NUDT18: variants seen among roughly 807,000 people sequenced by gnomAD.
NUDT18 encodes 8-oxo-dGDP phosphatase NUDT18.
NUDT18 carries 26 observed loss-of-function variants against 27.6 expected under a neutral mutation model. That is an observed-to-expected ratio of 0.94 (90% CI 0.69 to 1.31). The LOEUF is 1.31. NUDT18 is among the 50% of genes most tolerant of loss of function. The pLI, the probability that NUDT18 is intolerant of heterozygous loss-of-function variation, is 0.00. For missense variants in NUDT18, 450 were observed against 433.4 expected (o/e 1.04, Z -0.34); for synonymous variants, 220 against 196.9 (o/e 1.12, Z -0.98).
chr8:22,109,684 G>A (rs1050333808), upstream of NUDT18: 2 of 465,038 alleles, frequency 4.3e-6, no homozygotes, highest in Non-Finnish European at 4.3e-6. Context: ...CTGGTCTGCA[G>A]GAGCTCCGAC....
Position 22,108,221 on chromosome 8 carries a change from C to A in NUDT18, c.288G>T (p.Ala96=). The A allele has an allele frequency of 6.3e-7, 1 of 1,597,300 alleles. No individual in the cohort carries two copies. The highest frequency in any genetic ancestry group is 8.5e-7 in the Non-Finnish European group (1 of 1,172,728). ...EALQREVKEE[A]GLHCEPETLL... is the part of the protein sequence containing the mutation. ...GTGTCTCGGGCTCACAGTGCAGCCC[C>A]GCCTCCTCCTTCACCTCCCGCTGCA... The change falls in exon 2 of 3, where the codon GCG becomes GCT. Residue 96 remains alanine (A), a synonymous_variant. Coordinates refer to ENST00000611621, the MANE Select transcript of NUDT18 (RefSeq NM_024815.4).
chr8:22,109,530 GCGGGGCCGCC>G (rs1279387634), upstream of NUDT18: 11 of 463,686 alleles, frequency 2.4e-5, no homozygotes, highest in Admixed American at 3.1e-4. Flanking sequence ...CACCGAGGGG[GCGGGGCCGCC>G]CGGGGCCGCC....
At position 22,107,882 on chromosome 8, in the gene NUDT18, C is replaced by T. The variant is rs1338183565; in HGVS notation, c.390G>A (p.Lys130=). ...FLARPTGGIL[K]TSKEADAESL... ...ACTCCGCATCGGCCTCCTTGGAAGT[C>T]TTGAGAATTCCACCTGGGGGAGATG... The change falls in exon 3 of 3, where the codon AAG becomes AAA. Residue 130 remains lysine, a synonymous_variant. Transcript: ENST00000611621. 1 of 1,578,974 alleles carries T rather than the reference C, an allele frequency of 6.3e-7. No individual in the cohort carries two copies. Among genetic ancestry groups the T allele is most frequent in the Admixed American group, 1.7e-5 (1 of 57,918 alleles).
chr8:22,109,113 C>T (rs751939250), intron 1 of NUDT18, 26 bp downstream of exon 1: 8 of 1,391,416 alleles, frequency 5.7e-6, no homozygotes, highest in Non-Finnish European at 7.4e-6. Context: ...TCCCGAGGCC[C>T]GGCGGGCCCG....
Position 22,108,351 on chromosome 8 carries a change from G to T in NUDT18, c.163-5C>A. The stretch of plus-strand genomic sequence containing the variant: ...CTGGATCAGTAGCACCTCATCCTGA[G>T]AGGAGAGAGGATCCTCACTTCCTGC... On this transcript the variant is annotated splice_polypyrimidine_tract_variant and splice_region_variant and intron_variant, in intron 1 of 2. Transcript: ENST00000611621. 6.4e-7 allele frequency: 1 copy of T among 1,560,006 alleles called. No homozygotes were observed.
In NUDT18 at chr8:22,109,110, G is replaced by C. The variant is rs1028294458; in HGVS notation, c.162+29C>G. The stretch of plus-strand genomic sequence containing the variant: ...CCTGGGCTGGCTGCGCGCTCCCGAG[G>C]CCCGGCGGGCCCGGGGGCGGCCGCT... On this transcript the variant is annotated intron_variant, in intron 1 of 2. Transcript: ENST00000611621. 6 of 1,388,352 alleles carry C rather than the reference G, an allele frequency of 4.3e-6. No homozygotes were observed. In the African/African-American group the frequency reaches 9.2e-5, roughly 21 times the overall value. The allele number at this position is 1,388,352 out of a possible 1,614,324, so 86.0% of individuals were successfully genotyped here.
chr8:22,109,487 G>A (rs1308969306), upstream of NUDT18: 5 of 522,968 alleles, frequency 9.6e-6, no homozygotes, highest in Admixed American at 9.1e-5. Flanking sequence ...GCGCGGCGCC[G>A]CGGCCTGCCC....
At position 22,108,073 on chromosome 8, in the gene NUDT18, G is replaced by A. The variant is rs978565320; in HGVS notation, c.376+60C>T. On this transcript the variant is annotated intron_variant, in intron 2 of 2. Transcript: ENST00000611621. The stretch of plus-strand genomic sequence containing the variant: ...TGGCTGTAGAGGGGCTCACCTCACC[G>A]AGGAGCTGGGGGAAAGGTGTCAACT... 17 of 1,430,794 alleles carry A rather than the reference G, an allele frequency of 1.2e-5. No individual in the cohort carries two copies. In the African/African-American group the frequency reaches 1.9e-4, roughly 16 times the overall value. 88.6% of individuals were successfully genotyped at this position (1,430,794 alleles called of 1,614,324 possible).
At position 22,107,474 on chromosome 8, in the gene NUDT18, A is replaced by G. The variant is rs776165872; in HGVS notation, c.798T>C (p.Asp266=). Reference sequence around the variant, plus strand: ...TCACCAGCACATTCAAACAGATGCCATCACTGTGATCTCGGCCCAGGTGCT... The same window carrying G: ...TCACCAGCACATTCAAACAGATGCCGTCACTGTGATCTCGGCCCAGGTGCT... The part of the protein sequence containing the change: ...GLQHLGRDHS[D]GICLNVLVTV... The change falls in exon 3 of 3, where the codon GAT becomes GAC. Residue 266 remains aspartate (D), a synonymous_variant. Coordinates refer to ENST00000611621, the MANE Select transcript of NUDT18 (RefSeq NM_024815.4). The G allele has an allele frequency of 1.9e-6, 3 of 1,613,264 alleles. No homozygotes were observed. The highest frequency in any genetic ancestry group is 2.5e-6 in the Non-Finnish European group (3 of 1,179,868).
rs1337581354 is a variant in NUDT18, at chr8:22,109,220, C to T, written c.81G>A (p.Ala27=). 1 of 1,439,840 alleles carries T rather than the reference C, an allele frequency of 6.9e-7. No homozygotes were observed. Among genetic ancestry groups the T allele is most frequent in the Non-Finnish European group, 9.0e-7 (1 of 1,106,370 alleles). 89.2% of individuals were successfully genotyped at this position (1,439,840 alleles called of 1,614,324 possible). A position where few individuals can be genotyped will look rare whatever the true frequency, so the allele number is the denominator to read the frequency against. ...QGSSVHSCDS[A]PAGEPPAPVR... is the part of the protein sequence containing the mutation. ...CGGGCGCCGGCGGCTCCCCGGCCGGCGCCGAGTCGCAGCTGTGCACGCTGG... is the reference window on the plus strand; with the variant it reads ...CGGGCGCCGGCGGCTCCCCGGCCGGTGCCGAGTCGCAGCTGTGCACGCTGG... The change falls in exon 1 of 3, where the codon GCG becomes GCA. Residue 27 remains alanine, a synonymous_variant. Coordinates refer to ENST00000611621, the MANE Select transcript of NUDT18 (RefSeq NM_024815.4).
intron 2 of NUDT18, 116 bp downstream of exon 2, chr8:22,108,017 C>G: frequency 7.4e-7 from 1 of 1,360,440 alleles, no homozygotes; most frequent in Non-Finnish European, 9.8e-7. Context: ...TGGAATCTGC[C>G]CATGCCAGGC....
chr8:22,108,534 C>T (rs970803952), intron 1 of NUDT18, among the ~76,000 whole-genome samples, 188 bp from the exon 2 acceptor site: 2 of 152,236 alleles, frequency 1.3e-5, no homozygotes, highest in Non-Finnish European at 2.9e-5. Context: ...TCGTCTCTCT[C>T]TGGATTTAGG....
In NUDT18 at chr8:22,108,232, T is replaced by C. The variant is rs1040792548; in HGVS notation, c.277A>G (p.Lys93Glu). ...TCACAGTGCAGCCCCGCCTCCTCCT[T>C]CACCTCCCGCTGCAGCGCCTCCACG... Reference protein sequence around the residue: ...TIVEALQREVKEEAGLHCEPE... With the variant: ...TIVEALQREVEEEAGLHCEPE... Residue 93 changes from lysine to glutamate, a missense_variant, in exon 2 of 3, where the codon AAG becomes GAG. Physicochemically the swap from Lys to Glu is moderately conservative, Grantham distance 56 (BLOSUM62 1). Coordinates refer to ENST00000611621, the MANE Select transcript of NUDT18 (RefSeq NM_024815.4). 12 of 1,598,088 alleles carry C rather than the reference T, an allele frequency of 7.5e-6. No homozygotes were observed. Among genetic ancestry groups the C allele is most frequent in the African/African-American group, 1.3e-5 (1 of 74,488 alleles).
At position 22,109,153 on chromosome 8, in the gene NUDT18, A is replaced by ACACGGCCAGCAC. The variant is rs1348435583; in HGVS notation, c.136_147dup (p.Val46_Val49dup). The ACACGGCCAGCAC allele has an allele frequency of 2.1e-6, 3 of 1,444,110 alleles. No individual in the cohort carries two copies. Among genetic ancestry groups the ACACGGCCAGCAC allele is most frequent in the Non-Finnish European group, 2.7e-6 (3 of 1,110,318 alleles). The allele number at this position is 1,444,110 out of a possible 1,614,324, so 89.5% of individuals were successfully genotyped here. A position where few individuals can be genotyped will look rare whatever the true frequency, so the allele number is the denominator to read the frequency against. ...CGGCCGCTCACCTGCTCGCTGAGGAACACGGCCAGCACCACGTAGCACACG... is the reference window on the plus strand; with the variant it reads ...CGGCCGCTCACCTGCTCGCTGAGGAACACGGCCAGCACCACGGCCAGCACCACGTAGCACACG... On this transcript the variant is annotated inframe_insertion, in exon 1 of 3. Transcript: ENST00000611621.
rs776456519 is a variant in NUDT18 at position 22,108,142 on chromosome 8, GAGCGAGGAACACGA to G, written c.353_366del (p.Phe118SerfsTer36). 3.3e-6 allele frequency: 5 copies of G among 1,525,906 alleles called. No homozygotes were observed. Among genetic ancestry groups the G allele is most frequent in the Non-Finnish European group, 4.4e-6 (5 of 1,136,910 alleles). The allele number at this position is 1,525,906 out of a possible 1,614,324, so 94.5% of individuals were successfully genotyped here. A position where few individuals can be genotyped will look rare whatever the true frequency, so the allele number is the denominator to read the frequency against. ...TCCAGGTGGGCCATACCTGTGGGGC[GAGCGAGGAACACGA>G]AGCGGACCCAGGAGGGGCCCCGCTC... On this transcript the variant is annotated frameshift_variant, in exon 2 of 3. Transcript: ENST00000611621. LOFTEE classifies it high-confidence loss of function.
upstream of NUDT18, chr8:22,109,916 G>A: frequency 2.9e-6 from 1 of 339,558 alleles, no homozygotes. Flanking sequence ...TGGGGTGGGG[G>A]ACATAAACCC....
At chr8:22,108,049 G>A (rs1826397851) in intron 2 of NUDT18, 84 bp downstream of exon 2, 1 of 1,390,640 alleles carries the variant, frequency 7.2e-7, no homozygotes, top group Non-Finnish European at 9.6e-7. Context: ...TAACAGGACT[G>A]GCTGTAGAGG....
upstream of NUDT18, chr8:22,109,791 C>T (rs7844781): frequency 0.41 from 185,069 of 453,948 alleles, 39,088 homozygotes; most frequent in Middle Eastern, 0.59. Context: ...GGGCCGCCCC[C>T]TGGAACCACT....
rs1355212516 is a variant in NUDT18 at position 22,109,309 on chromosome 8, C to G, written c.-9G>C. 7.4e-7 allele frequency: 1 copy of G among 1,347,788 alleles called. No homozygotes were observed. The allele number at this position is 1,347,788 out of a possible 1,614,324, so 83.5% of individuals were successfully genotyped here. ...AGGCCCTCCGAGGCCATCGGGTCCC[C>G]CGGGGGGCGGCGGGCCGGATCCTCG... On this transcript the variant is annotated 5_prime_UTR_variant, in exon 1 of 3. Coordinates refer to ENST00000611621, the MANE Select transcript of NUDT18 (RefSeq NM_024815.4).
Sources: allele counts gnomAD v4.1 joint callset (sites outside exome capture counted in the v4.1 genomes callset), GRCh38; gene constraint gnomAD v4.1.1; transcripts MANE v1.5; gene names NCBI Gene and HGNC (gene_info 2026-07-23, HGNC 2026-07-21).